RORA: variants seen among roughly 807,000 people sequenced by gnomAD.
The protein encoded by RORA is nuclear receptor ROR-alpha.
A neutral mutation model predicts 69.5 loss-of-function variants in RORA; 7 were observed. That is an observed-to-expected ratio of 0.10 (90% CI 0.06 to 0.19). The LOEUF is 0.19. Ranked by LOEUF, RORA falls within the 10% of genes least tolerant of loss-of-function variation. The pLI, the probability that RORA is intolerant of heterozygous loss-of-function variation, is 1.00. For missense variants in RORA, 457 were observed against 663.0 expected (o/e 0.69, Z 3.41); for synonymous variants, 261 against 240.8 (o/e 1.08, Z -0.78).
intron 1 of RORA, among the ~76,000 whole-genome samples, chr15:60,824,577 C>G (rs1168094016): frequency 2.0e-5 from 3 of 152,172 alleles, no homozygotes; most frequent in Non-Finnish European, 2.9e-5. Flanking sequence ...GGATTCAAAT[C>G]TCATCTTCTG....
chr15:60,843,665 C>T (rs1479782975), intron 1 of RORA, among the ~76,000 whole-genome samples: 1 of 152,130 alleles, frequency 6.6e-6, no homozygotes, highest in Non-Finnish European at 1.5e-5. Flanking sequence ...CGTGGCAAGC[C>T]AGGTTCTCGG....
intron 1 of RORA, among the ~76,000 whole-genome samples, chr15:60,774,912 A>G (rs537041027): frequency 2.0e-5 from 3 of 152,214 alleles, no homozygotes; most frequent in African/African-American, 7.2e-5. Context: ...TAGGGTAATT[A>G]TAGTATCAAT....
intron 1 of RORA, among the ~76,000 whole-genome samples, chr15:61,049,517 A>G (rs1274162897): frequency 6.6e-6 from 1 of 152,234 alleles, no homozygotes; most frequent in Non-Finnish European, 1.5e-5. Flanking sequence ...ACATAAAAAA[A>G]TCCAGCATTT....
At chr15:60,964,927 A>G (rs182262902) in intron 1 of RORA, among the ~76,000 whole-genome samples, 5 of 152,112 alleles carry the variant, frequency 3.3e-5, no homozygotes, top group Non-Finnish European at 7.4e-5. Context: ...CTCTTGTTTG[A>G]GACTCTTGGG....
rs1206948054 is a variant in RORA at position 60,496,581 on chromosome 15, GT to G, written c.*873del. ...CAAAGTATAATTTAGGGAGAGTTCC[GT>G]TTCTAATTCCAAATTCACATGTTAA... On this transcript the variant is annotated 3_prime_UTR_variant, in exon 11 of 11. Transcript: ENST00000335670. The surrounding 1 kb of genome is among the most constrained non-coding windows in gnomAD (Gnocchi z 4.5). The G allele has an allele frequency of 4.6e-5, 7 of 151,836 alleles. No homozygotes were observed. Among genetic ancestry groups the G allele is most frequent in the Admixed American group, 4.6e-4 (7 of 15,244 alleles). The allele number at this position is 151,836 out of a possible 1,614,324, so 9.4% of individuals were successfully genotyped here.
At chr15:61,026,421 T>G (rs1895816515) in intron 1 of RORA, among the ~76,000 whole-genome samples, 1 of 152,228 alleles carries the variant, frequency 6.6e-6, no homozygotes, top group South Asian at 2.1e-4. Context: ...TCTGTTCACT[T>G]TTTATACAAA....
chr15:60,925,381 G>A (rs1381307881), intron 1 of RORA, among the ~76,000 whole-genome samples: 1 of 152,214 alleles, frequency 6.6e-6, no homozygotes, highest in Admixed American at 6.5e-5. Flanking sequence ...AAAGGAGACA[G>A]GCTGGACCAG....
At chr15:61,112,716 A>G (rs1004425818) in intron 1 of RORA, among the ~76,000 whole-genome samples, 2 of 152,164 alleles carry the variant, frequency 1.3e-5, no homozygotes, top group Non-Finnish European at 2.9e-5. Flanking sequence ...CCTTCCAACT[A>G]CCTGCAGGGA....
chr15:61,142,236 C>T (rs1372498840), intron 1 of RORA, among the ~76,000 whole-genome samples: 3 of 152,146 alleles, frequency 2.0e-5, no homozygotes, highest in African/African-American at 7.2e-5. Flanking sequence ...TAGCTCCCCA[C>T]CTCCTCTGAG....
At chr15:61,067,790 T>C (rs1566972494) in intron 1 of RORA, among the ~76,000 whole-genome samples, 1 of 152,222 alleles carries the variant, frequency 6.6e-6, no homozygotes, top group African/African-American at 2.4e-5. Context: ...TGCTCTATAA[T>C]GTTCATCCCA....
chr15:60,540,823 C>A (rs77306299), intron 2 of RORA, among the ~76,000 whole-genome samples: 7,406 of 152,184 alleles, frequency 0.049, 640 homozygotes, highest in African/African-American at 0.17. Flanking sequence ...GAACATTAAA[C>A]CTTGAAAATG....
At chr15:61,173,118 T>A (rs2079599898) in intron 1 of RORA, among the ~76,000 whole-genome samples, 1 of 152,352 alleles carries the variant, frequency 6.6e-6, no homozygotes, top group African/African-American at 2.4e-5. Context: ...ATTTTCTTTC[T>A]ACTAGGCACT....
At chr15:61,050,931 T>G (rs1231609899) in intron 1 of RORA, among the ~76,000 whole-genome samples, 2 of 152,232 alleles carry the variant, frequency 1.3e-5, no homozygotes, top group African/African-American at 4.8e-5. Flanking sequence ...AGTCTGTTGG[T>G]CAGCTAACCA....
intron 1 of RORA, among the ~76,000 whole-genome samples, chr15:61,089,063 AC>A (rs2140698032): frequency 6.6e-6 from 1 of 152,012 alleles, no homozygotes; most frequent in African/African-American, 2.4e-5. Flanking sequence ...TGTAAAACAG[AC>A]CCCCTGAAGT....
At chr15:61,098,046 C>G in intron 1 of RORA, among the ~76,000 whole-genome samples, 1 of 151,672 alleles carries the variant, frequency 6.6e-6, no homozygotes, top group African/African-American at 2.4e-5. Context: ...TCTTTCCTTC[C>G]TTCCTTCCTT....
chr15:60,944,694 CAA>C (rs58523588), intron 1 of RORA, among the ~76,000 whole-genome samples: 1,415 of 96,380 alleles, frequency 0.015, 18 homozygotes, highest in African/African-American at 0.05. Context: ...CACTGTACTC[CAA>C]AAAAAAAAAA....
chr15:60,677,408 T>C (rs2070569882), intron 2 of RORA: 2 of 344,136 alleles, frequency 5.8e-6, no homozygotes, highest in Admixed American at 3.5e-5. Context: ...AACTGTGCAT[T>C]GAGAGATGGA....
intron 1 of RORA, among the ~76,000 whole-genome samples, chr15:60,912,683 G>A (rs1336921845): frequency 1.1e-4 from 17 of 152,150 alleles, no homozygotes; most frequent in African/African-American, 2.7e-4. Flanking sequence ...GAACCCGGGC[G>A]GCGGAGCTTG....
chr15:60,586,455 G>GGTGTGT (rs146340386), intron 2 of RORA, among the ~76,000 whole-genome samples: 3 of 150,182 alleles, frequency 2.0e-5, no homozygotes, highest in Admixed American at 6.7e-5. Flanking sequence ...GTATTAGAGG[G>GGTGTGT]GTGTGTGTGT....
Sources: allele counts gnomAD v4.1 joint callset (sites outside exome capture counted in the v4.1 genomes callset), GRCh38; gene constraint gnomAD v4.1.1; non-coding constraint Gnocchi (gnomAD v3.1); transcripts MANE v1.5; gene names NCBI Gene and HGNC (gene_info 2026-07-23, HGNC 2026-07-21).